CUX1: variants seen among roughly 807,000 people sequenced by gnomAD.
The protein encoded by CUX1 is protein CASP.
Under a neutral mutation model 158.8 loss-of-function variants are expected in CUX1, and 31 were observed. The observed-to-expected ratio is 0.20, with a 90% CI of 0.15 to 0.26. The LOEUF is 0.26. CUX1 is among the 10% of genes least tolerant of loss of function. CUX1 has a pLI of 1.00. For synonymous variants in CUX1, 879 were observed against 862.1 expected, an observed-to-expected ratio of 1.02 and a Z score of -0.34; for missense variants, 1,589 against 2,014.6, an observed-to-expected ratio of 0.79 and a Z score of 4.04.
chr7:102,225,827 A>G (rs1003761289), intron 20 of CUX1, among the ~76,000 whole-genome samples: 1 of 152,214 alleles, frequency 6.6e-6, no homozygotes, highest in Admixed American at 6.5e-5. Context: ...CATCTCCACA[A>G]AAAAAAATTT....
At chr7:102,158,896 T>C (rs1554506168) in intron 9 of CUX1, among the ~76,000 whole-genome samples, 11 of 152,236 alleles carry the variant, frequency 7.2e-5, no homozygotes, top group Non-Finnish European at 1.6e-4. Context: ...ACTCCATCTC[T>C]AAACACCCGT....
At chr7:101,927,939 C>T (rs1412242652) in intron 2 of CUX1, among the ~76,000 whole-genome samples, 4 of 152,196 alleles carry the variant, frequency 2.6e-5, no homozygotes, top group South Asian at 2.1e-4. Context: ...CATCTCAGGA[C>T]GGCCGCTTTG....
chr7:101,993,067 T>G (rs1375243998), intron 2 of CUX1, among the ~76,000 whole-genome samples: 1 of 152,162 alleles, frequency 6.6e-6, no homozygotes, highest in Admixed American at 6.5e-5. Flanking sequence ...TTGTGGTTCA[T>G]GCCTGTAATC....
intron 1 of CUX1, among the ~76,000 whole-genome samples, chr7:101,849,519 T>C (rs539840676): frequency 7.2e-5 from 11 of 152,318 alleles, no homozygotes; most frequent in African/African-American, 2.6e-4. Context: ...CTCTTTCTTT[T>C]TTCTGGCTGC....
intron 8 of CUX1, among the ~76,000 whole-genome samples, chr7:102,122,380 C>T (rs1554493745): frequency 6.6e-6 from 1 of 151,616 alleles, no homozygotes. Context: ...AGGGAAAAAC[C>T]GATGGCCTTT....
chr7:102,203,491 G>C (rs1053689839), intron 18 of CUX1, among the ~76,000 whole-genome samples: 4 of 152,316 alleles, frequency 2.6e-5, no homozygotes, highest in Admixed American at 1.3e-4. Flanking sequence ...GTGAAGGGGG[G>C]CGACTAGAAA....
chr7:102,024,779 T>A (rs953456197), intron 2 of CUX1, among the ~76,000 whole-genome samples: 1 of 152,184 alleles, frequency 6.6e-6, no homozygotes, highest in Non-Finnish European at 1.5e-5. Flanking sequence ...CTCTTTTCCC[T>A]TGTTACCCTT....
intron 1 of CUX1, among the ~76,000 whole-genome samples, chr7:101,892,698 C>CT (rs952244930): frequency 4.6e-5 from 7 of 152,028 alleles, no homozygotes; most frequent in African/African-American, 1.7e-4. Context: ...TGCCAAAATA[C>CT]TTTTTTTCAT....
intron 20 of CUX1, chr7:102,280,921 C>A: frequency 6.7e-7 from 1 of 1,495,736 alleles, no homozygotes; most frequent in Non-Finnish European, 9.2e-7. Context: ...TCTCCAGGCA[C>A]CTCTTCACCT....
intron 2 of CUX1, among the ~76,000 whole-genome samples, chr7:102,015,817 T>C (rs1347014564): frequency 1.3e-5 from 2 of 152,046 alleles, no homozygotes; most frequent in East Asian, 1.9e-4. Context: ...GCCTCTTTTT[T>C]TCTTTTTCTT....
At chr7:102,163,510 A>G (rs1790685995) in intron 9 of CUX1, among the ~76,000 whole-genome samples, 1 of 152,094 alleles carries the variant, frequency 6.6e-6, no homozygotes, top group Non-Finnish European at 1.5e-5. Context: ...TCTGAGTATG[A>G]AGGATTCATC....
chr7:101,958,373 AGC>A (rs1810021726), intron 2 of CUX1, among the ~76,000 whole-genome samples: 2 of 5,074 alleles, frequency 3.9e-4, no homozygotes, highest in South Asian at 2.7e-3. Flanking sequence ...CTGAAGCTGC[AGC>A]AGCAGCAGCA....
chr7:101,989,027 G>A (rs545043108), intron 2 of CUX1, among the ~76,000 whole-genome samples: 4 of 151,740 alleles, frequency 2.6e-5, no homozygotes, highest in Non-Finnish European at 4.4e-5. Flanking sequence ...AATAATATTT[G>A]TAGGGGAAGG....
intron 11 of CUX1, chr7:102,186,827 G>C (rs1430181240): frequency 1.3e-5 from 2 of 152,188 alleles, no homozygotes; most frequent in Non-Finnish European, 2.9e-5. Context: ...AGTGTTAGGA[G>C]TTCGAGACCA....
Position 101,921,365 on chromosome 7 carries a change from C to CA in CUX1, c.141+5141dup, listed in dbSNP as rs1211628750. Among the ~76,000 whole-genome samples, 3 of 152,330 alleles carry CA rather than the reference C, an allele frequency of 2.0e-5. No individual in the cohort carries two copies. The East Asian group carries it at 5.8e-4, about 29-fold the overall frequency. On this transcript the variant is annotated intron_variant, in intron 2 of 23. Coordinates refer to ENST00000292535, the MANE Select transcript of CUX1 (RefSeq NM_181552.4). ...TTATTAGCATTAACCTGGGAATACT[C>CA]ACCGTGTAACTCATGAGATACAGTG...
In CUX1 at chr7:102,249,327, G is replaced by C. The variant is rs1288571199; in HGVS notation, c.*285G>C. On this transcript the variant is annotated 3_prime_UTR_variant, in exon 24 of 24. Coordinates refer to ENST00000292535, the MANE Select transcript of CUX1 (RefSeq NM_181552.4). ...ACCCAGCCCGCGGCCTGGACCCCTG[G>C]ACCGCTTTGCGCACTTACCGCCCTG... 9.8e-7 allele frequency: 1 copy of C among 1,020,938 alleles called. No homozygotes were observed. Among genetic ancestry groups the C allele is most frequent in the Non-Finnish European group, 1.2e-6 (1 of 852,538 alleles). 63.2% of individuals were successfully genotyped at this position (1,020,938 alleles called of 1,614,324 possible). A position where few individuals can be genotyped will look rare whatever the true frequency, so the allele number is the denominator to read the frequency against.
At chr7:102,276,782 T>G (rs1257435494) in intron 17 of CUX1, among the ~76,000 whole-genome samples, 3 of 152,184 alleles carry the variant, frequency 2.0e-5, no homozygotes, top group Admixed American at 2.0e-4. Context: ...GACTGCCGGT[T>G]ACCAGGCAGT....
intron 4 of CUX1, among the ~76,000 whole-genome samples, chr7:102,096,375 T>C (rs575303500): frequency 6.6e-6 from 1 of 152,296 alleles, no homozygotes; most frequent in South Asian, 2.1e-4. Flanking sequence ...AAGTGTTTCT[T>C]TCCTCTGCTT....
chr7:101,853,436 G>A (rs1796474508), intron 1 of CUX1, among the ~76,000 whole-genome samples: 1 of 152,220 alleles, frequency 6.6e-6, no homozygotes, highest in East Asian at 1.9e-4. Context: ...CCAGTTGTGC[G>A]GCTAGACCCA....
Sources: allele counts gnomAD v4.1 joint callset (sites outside exome capture counted in the v4.1 genomes callset), GRCh38; gene constraint gnomAD v4.1.1; transcripts MANE v1.5; gene names NCBI Gene and HGNC (gene_info 2026-07-23, HGNC 2026-07-21).